Variants in MUC22 observed in about 807,000 individuals in gnomAD.
The protein encoded by MUC22 is mucin-22.
In MUC22, 24 loss-of-function variants were observed where a neutral mutation model predicts 40.3. The observed-to-expected ratio is 0.60, with a 90% CI of 0.43 to 0.84. The LOEUF is 0.84. MUC22 is among the 40% of genes least tolerant of loss of function. The probability of loss-of-function intolerance (pLI) is 0.00; values close to 1 mark genes in which losing one functional copy is unlikely to be tolerated. For synonymous variants in MUC22, 765 were observed against 844.5 expected, an observed-to-expected ratio of 0.91 and a Z score of 1.63; for missense variants, 1,926 against 2,130.7, an observed-to-expected ratio of 0.90 and a Z score of 1.89.
In MUC22 at chr6:31,018,428, T is replaced by C. The variant is rs115018720; in HGVS notation, c.71-7074T>C. Among the ~76,000 whole-genome samples the C allele has an allele frequency of 9.7e-3, 1,482 of 152,344 alleles. 20 individuals carry two copies. The highest frequency in any genetic ancestry group is 0.015 in the Non-Finnish European group (1,021 of 68,020). ...CACAGAATTAATAATCTACCAGTAG[T>C]TGACTTACTCTCACCCCCAATGGAG... On this transcript the variant is annotated intron_variant, in intron 1 of 3. Transcript: ENST00000561890.
At chr6:31,017,466 G>T (rs1372271964) in intron 1 of MUC22, among the ~76,000 whole-genome samples, 1 of 152,082 alleles carries the variant, frequency 6.6e-6, no homozygotes, top group Non-Finnish European at 1.5e-5. Context: ...CTAGCTCAAG[G>T]TTTGTAAACA....
upstream of MUC22, chr6:31,006,102 G>A (rs544666425): frequency 7.1e-5 from 27 of 381,780 alleles, no homozygotes; most frequent in African/African-American, 4.8e-4. Flanking sequence ...GCGAGACTCC[G>A]TCTCAAAAAA....
In MUC22 at chr6:31,023,182, G is replaced by A. The variant is rs539356877; in HGVS notation, c.71-2320G>A. 8.8e-3 allele frequency among the ~76,000 whole-genome samples: 880 copies of A among 100,184 alleles called. 6 individuals carry two copies. The highest frequency in any genetic ancestry group is 9.3e-3 in the Non-Finnish European group (447 of 48,322). 65.7% of individuals were successfully genotyped at this position (100,184 alleles called of 152,430 possible). ...TGGGTTAATTAAAAAAAAAAAAGGCGAAAAATGGAGGAAAAGGTAAGAAGA... is the reference window on the plus strand; with the variant it reads ...TGGGTTAATTAAAAAAAAAAAAGGCAAAAAATGGAGGAAAAGGTAAGAAGA... On this transcript the variant is annotated intron_variant, in intron 1 of 3. Transcript: ENST00000561890.
chr6:31,026,261 C>T (rs2150784252), exon 2 of MUC22: 3 of 1,338,658 alleles, frequency 2.2e-6, no homozygotes, highest in Non-Finnish European at 1.0e-6. Flanking sequence ...GGCTCTGAGA[C>T]CACTACAATC....
rs922672929 is a variant in MUC22, at chr6:31,021,140, T to A, written c.71-4362T>A. ...CGTAGGACTGGCAGGCAGCTCCACC[T>A]GCGGCCCCGGGGCGGGATCCACTGG... On this transcript the variant is annotated intron_variant, in intron 1 of 3. Transcript: ENST00000561890. Among the ~76,000 whole-genome samples the A allele has an allele frequency of 2.0e-5, 3 of 152,372 alleles. No individual in the cohort carries two copies. The South Asian group carries it at 6.2e-4, about 32-fold the overall frequency.
At chr6:31,026,151 C>G (rs1321045365) in exon 2 of MUC22, 1 of 1,524,780 alleles carries the variant, frequency 6.6e-7, no homozygotes. Flanking sequence ...CCACCACAAC[C>G]TCAACTGCAG....
At chr6:31,034,808 G>A in exon 4 of MUC22, 1 of 1,535,720 alleles carries the variant, frequency 6.5e-7, no homozygotes, top group African/African-American at 1.4e-5. Context: ...GTTCATGGAG[G>A]AGAACTTGAA....
chr6:31,034,117 A>G lies in MUC22; in HGVS notation c.5056-555A>G, dbSNP rs968604252. 7.9e-5 allele frequency among the ~76,000 whole-genome samples: 12 copies of G among 152,318 alleles called. No homozygotes were observed. In the East Asian group the frequency reaches 2.1e-3, roughly 27 times the overall value. On this transcript the variant is annotated intron_variant, in intron 3 of 3. Coordinates refer to ENST00000561890, the Ensembl canonical transcript of MUC22. Reference sequence around the variant, plus strand: ...CGTGGCCATATTATATTCATCTTACAAGTAAGGGATCTGGAGCTTCATGAT... The same window carrying G: ...CGTGGCCATATTATATTCATCTTACGAGTAAGGGATCTGGAGCTTCATGAT...
intron 1 of MUC22, among the ~76,000 whole-genome samples, chr6:31,020,776 G>A (rs938571522): frequency 7.9e-5 from 12 of 150,978 alleles, no homozygotes; most frequent in African/African-American, 2.9e-4. Flanking sequence ...GCCAGCTGCA[G>A]TTCCAGGTAG....
Position 31,028,214 on chromosome 6 carries a change from T to C in MUC22, c.2783T>C (p.Val928Ala), listed in dbSNP as rs1038213274. 31 of 1,522,448 alleles carry C rather than the reference T, an allele frequency of 2.0e-5. No individual in the cohort carries two copies. The highest frequency in any genetic ancestry group is 2.9e-5 in the African/African-American group (2 of 68,266). 94.3% of individuals were successfully genotyped at this position (1,522,448 alleles called of 1,614,324 possible). ...ACTGAAGGCTCTGAGACCACTACAG[T>C]ATCTGCCACAGGCTCTGAGACCACA... The change falls in exon 2 of 4, where the codon GTA becomes GCA. Residue 928 changes from valine (V) to alanine (A), a missense_variant. By Grantham distance (64) the Val-to-Ala change is moderately conservative. Transcript: ENST00000561890.
exon 2 of MUC22, chr6:31,025,751 C>T (rs1019381354): frequency 2.0e-6 from 3 of 1,529,536 alleles, no homozygotes; most frequent in Non-Finnish European, 2.6e-6. Context: ...ACTATAGCCT[C>T]CACTAGGACC....
At chr6:31,015,615 T>C (rs1460547940) in intron 1 of MUC22, among the ~76,000 whole-genome samples, 4 of 152,182 alleles carry the variant, frequency 2.6e-5, no homozygotes, top group East Asian at 1.9e-4. Flanking sequence ...AATTCTAGGA[T>C]GGATATGATT....
rs1486593978 is a variant in MUC22 at position 31,027,681 on chromosome 6, CAT to C, written c.2252_2253del (p.Ile751ArgfsTer3). The C allele has an allele frequency of 4.6e-6, 7 of 1,528,348 alleles. No homozygotes were observed. In the South Asian group the frequency reaches 8.4e-5, roughly 18 times the overall value. The allele number at this position is 1,528,348 out of a possible 1,614,324, so 94.7% of individuals were successfully genotyped here. ...GCTTGGAGACCACCACAGTCTTTAC[CAT>C]AGGCTCTGACACCACCACAGCCTCT... On this transcript the variant is annotated frameshift_variant, in exon 2 of 4. Transcript: ENST00000561890. LOFTEE classifies it high-confidence loss of function.
In MUC22 at chr6:31,011,202, G is replaced by GT. The variant is rs9281099; in HGVS notation, c.70+434dup. On this transcript the variant is annotated intron_variant, in intron 1 of 3. Transcript: ENST00000561890. The surrounding 1 kb of genome is among the most constrained non-coding windows in gnomAD (Gnocchi z 4.5). ...AGTAAAAATCCTTCAATCCTTCTTT[G>GT]TTTTTTTTCCATAGGTTATTTGGGT... Among the ~76,000 whole-genome samples, 57,418 of 151,194 alleles carry GT rather than the reference G, an allele frequency of 0.38. 11,542 individuals carry two copies. Among genetic ancestry groups the GT allele is most frequent in the Non-Finnish European group, 0.45 (30,761 of 67,776 alleles).
exon 2 of MUC22, chr6:31,029,578 T>C: frequency 6.5e-7 from 1 of 1,530,962 alleles, no homozygotes; most frequent in South Asian, 1.2e-5. Context: ...TACCACTAGC[T>C]CTGAGACCAC....
At chr6:31,018,735 A>G (rs1291628868) in intron 1 of MUC22, among the ~76,000 whole-genome samples, 1 of 152,292 alleles carries the variant, frequency 6.6e-6, no homozygotes, top group Non-Finnish European at 1.5e-5. Flanking sequence ...TCCAATGGAC[A>G]TGGCCCAGGC....
chr6:31,029,150 C>A lies in MUC22; in HGVS notation c.3719C>A (p.Thr1240Asn), dbSNP rs1411974188. The change falls in exon 2 of 4, where the codon ACT (threonine) becomes AAT (asparagine). Residue 1240 changes from threonine to asparagine, a missense_variant. Thr to Asn is a moderately conservative substitution (Grantham distance 65, BLOSUM62 0). Coordinates refer to ENST00000561890, the Ensembl canonical transcript of MUC22. ...GGCTCAGAGACCACCACAGTCTCTACTGCAGGCTCTGAGACCACCACAGCC... is the reference window on the plus strand; with the variant it reads ...GGCTCAGAGACCACCACAGTCTCTAATGCAGGCTCTGAGACCACCACAGCC... The A allele has an allele frequency of 2.0e-6, 3 of 1,535,154 alleles. No individual in the cohort carries two copies. In the African/African-American group the frequency reaches 4.1e-5, roughly 21 times the overall value.
intron 1 of MUC22, among the ~76,000 whole-genome samples, chr6:31,016,634 G>T (rs1312842971): frequency 1.3e-5 from 2 of 152,264 alleles, no homozygotes; most frequent in Admixed American, 1.3e-4. Flanking sequence ...AGGTGACAGG[G>T]TGCTGGCAGC....
rs1765802771 is a variant in MUC22 at position 31,029,263 on chromosome 6, A to AG, written c.3832_3833insG (p.Thr1278SerfsTer4). The AG allele has an allele frequency of 6.6e-7, 1 of 1,522,376 alleles. No individual in the cohort carries two copies. Among genetic ancestry groups the AG allele is most frequent in the Non-Finnish European group, 8.8e-7 (1 of 1,142,610 alleles). The allele number at this position is 1,522,376 out of a possible 1,614,324, so 94.3% of individuals were successfully genotyped here. On this transcript the variant is annotated frameshift_variant, in exon 2 of 4. Coordinates refer to ENST00000561890, the Ensembl canonical transcript of MUC22. LOFTEE classifies it high-confidence loss of function. Reference sequence around the variant, plus strand: ...TACCACAGGCACTGAGACTACCATCACCTCTACTGAAGGTTCAGAGACCAC... The same window carrying AG: ...TACCACAGGCACTGAGACTACCATCAGCCTCTACTGAAGGTTCAGAGACCAC...
Sources: allele counts gnomAD v4.1 joint callset (sites outside exome capture counted in the v4.1 genomes callset), GRCh38; gene constraint gnomAD v4.1.1; non-coding constraint Gnocchi (gnomAD v3.1); transcripts MANE v1.5; gene names NCBI Gene and HGNC (gene_info 2026-07-23, HGNC 2026-07-21).